The following RAP1GAP2 variants were observed in gnomAD, a reference collection of about 807,000 sequenced individuals.
RAP1GAP2 encodes the protein RAP1 GTPase activating protein 2, also known as rap1 GTPase-activating protein 2.
In RAP1GAP2, 27 loss-of-function variants were observed where a neutral mutation model predicts 95.0. The observed-to-expected ratio is 0.28, with a 90% CI of 0.21 to 0.39. The LOEUF is 0.39. RAP1GAP2 is among the 10% of genes least tolerant of loss of function. RAP1GAP2 has a pLI of 1.00. For synonymous variants in RAP1GAP2, 373 were observed against 380.9 expected (o/e 0.98, Z 0.24); for missense variants, 771 against 970.0 (o/e 0.79, Z 2.72).
At chr17:2,988,055 A>G (rs923071427) in intron 11 of RAP1GAP2, among the ~76,000 whole-genome samples, 5 of 152,008 alleles carry the variant, frequency 3.3e-5, no homozygotes, top group Non-Finnish European at 5.9e-5. Flanking sequence ...TTTGTTTTTT[A>G]CAAAATTAGC....
intron 1 of RAP1GAP2, among the ~76,000 whole-genome samples, chr17:2,780,176 G>A (rs745440456): frequency 6.6e-6 from 1 of 152,116 alleles, no homozygotes; most frequent in Non-Finnish European, 1.5e-5. Flanking sequence ...TCAGCCTCCC[G>A]AGTTGCTGGG....
chr17:2,786,083 G>T (rs902744578), intron 1 of RAP1GAP2, among the ~76,000 whole-genome samples: 4 of 151,840 alleles, frequency 2.6e-5, no homozygotes, highest in African/African-American at 9.7e-5. Flanking sequence ...GTATTTTTAG[G>T]AGAGACGGGG....
chr17:2,998,150 C>A, intron 13 of RAP1GAP2, 71 bp from the exon 14 acceptor site: 1 of 1,499,118 alleles, frequency 6.7e-7, no homozygotes, highest in Non-Finnish European at 9.2e-7. Context: ...GAAAGTGAAC[C>A]CACTCTTTCC....
chr17:2,967,381 A>G (rs1283363508), intron 8 of RAP1GAP2, among the ~76,000 whole-genome samples: 1 of 150,858 alleles, frequency 6.6e-6, no homozygotes, highest in Non-Finnish European at 1.5e-5. Context: ...AACAACAACA[A>G]CGATGACAAC....
At chr17:2,891,210 C>T (rs1302627981) in intron 2 of RAP1GAP2, among the ~76,000 whole-genome samples, 1 of 151,652 alleles carries the variant, frequency 6.6e-6, no homozygotes, top group African/African-American at 2.4e-5. Context: ...TGCAGTGCCA[C>T]ATTCATGGCT....
chr17:2,910,298 C>G (rs2042330490), intron 3 of RAP1GAP2, among the ~76,000 whole-genome samples: 1 of 152,186 alleles, frequency 6.6e-6, no homozygotes, highest in Non-Finnish European at 1.5e-5. Context: ...CTCCACTCCT[C>G]TGCTTCTGGC....
intron 1 of RAP1GAP2, chr17:2,755,867 G>T: frequency 3.1e-6 from 1 of 322,854 alleles, no homozygotes; most frequent in Non-Finnish European, 5.7e-6. Flanking sequence ...GTTTCGTCCC[G>T]GGCTGAGGCT....
chr17:2,889,386 T>G (rs558040232), intron 2 of RAP1GAP2, among the ~76,000 whole-genome samples: 1 of 152,176 alleles, frequency 6.6e-6, no homozygotes, highest in South Asian at 2.1e-4. Context: ...AGGCCAGTGG[T>G]CAGGGTGCGT....
At chr17:2,876,740 C>T (rs77456232) in intron 2 of RAP1GAP2, among the ~76,000 whole-genome samples, 314 of 152,098 alleles carry the variant, frequency 2.1e-3, no homozygotes, top group African/African-American at 6.7e-3. Context: ...ATTCCAAAGG[C>T]GAGGAGAGCA....
intron 10 of RAP1GAP2, among the ~76,000 whole-genome samples, chr17:2,982,878 C>T (rs1216496621): frequency 2.0e-5 from 3 of 152,158 alleles, no homozygotes; most frequent in African/African-American, 7.2e-5. Context: ...CCGCTGAGTC[C>T]GGCTGGGATG....
At chr17:2,808,706 G>C (rs2069625873) in intron 2 of RAP1GAP2, among the ~76,000 whole-genome samples, 1 of 152,210 alleles carries the variant, frequency 6.6e-6, no homozygotes, top group African/African-American at 2.4e-5. Context: ...GTGGGTCGAG[G>C]AGAATGTGCC....
chr17:2,764,489 G>A (rs534930202), intron 1 of RAP1GAP2, among the ~76,000 whole-genome samples: 124 of 152,162 alleles, frequency 8.1e-4, no homozygotes, highest in African/African-American at 2.8e-3. Context: ...TTGGGAAGCC[G>A]AGGCGGGTGG....
chr17:2,778,052 G>A (rs1483735229), intron 1 of RAP1GAP2, among the ~76,000 whole-genome samples: 1 of 151,654 alleles, frequency 6.6e-6, no homozygotes, highest in Non-Finnish European at 1.5e-5. Flanking sequence ...GAGTGACTCA[G>A]GGTCTGTGAG....
rs200075336 is a variant in RAP1GAP2 at position 3,030,997 on chromosome 17, C to T, written c.2183C>T (p.Ala728Val). 9.4e-6 allele frequency: 15 copies of T among 1,602,302 alleles called. No homozygotes were observed. The African/African-American group carries it at 1.5e-4, about 16-fold the overall frequency. The stretch of plus-strand genomic sequence containing the variant: ...AAGCTCAGCCATGCCAGCTCTGGTG[C>T]GGTAAGGATGCGCCTCCCACACCCC... ...FDKLSHASSG[A>V]GH is the part of the protein sequence containing the mutation. Residue 728 changes from alanine to valine, a missense_variant and splice_region_variant, in exon 23 of 25, where the codon GCG becomes GTG. Coordinates refer to ENST00000254695, the MANE Select transcript of RAP1GAP2 (RefSeq NM_015085.5).
Position 3,034,772 on chromosome 17 carries a change from G to A in RAP1GAP2, c.*1411G>A, listed in dbSNP as rs368167909. ...CTCCCCCTTCCGAGTCTGCAGCGCCGTGGGCTTCTCTGCCGATGGGCCCGG... is the reference window on the plus strand; with the variant it reads ...CTCCCCCTTCCGAGTCTGCAGCGCCATGGGCTTCTCTGCCGATGGGCCCGG... On this transcript the variant is annotated 3_prime_UTR_variant, in exon 25 of 25. Transcript: ENST00000254695. This position sits in a 1 kb window ranked among gnomAD's most constrained non-coding sequence, Gnocchi z 5.1. 13 of 152,744 alleles carry A rather than the reference G, an allele frequency of 8.5e-5. No homozygotes were observed. The highest frequency in any genetic ancestry group is 3.3e-4 in the Admixed American group (5 of 15,288). The allele number at this position is 152,744 out of a possible 1,614,324, so 9.5% of individuals were successfully genotyped here. A position where few individuals can be genotyped will look rare whatever the true frequency, so the allele number is the denominator to read the frequency against.
At chr17:3,031,747 C>T (rs1179523574) in intron 23 of RAP1GAP2, among the ~76,000 whole-genome samples, 1 of 148,162 alleles carries the variant, frequency 6.7e-6, no homozygotes, top group African/African-American at 2.5e-5. Flanking sequence ...TCCCGAATCC[C>T]TTCCTGAGCT....
Position 2,832,360 on chromosome 17 carries a change from C to T in RAP1GAP2, c.80+31810C>T, listed in dbSNP as rs1487496909. 2.6e-5 allele frequency among the ~76,000 whole-genome samples: 4 copies of T among 151,324 alleles called. No individual in the cohort carries two copies. In the South Asian group the frequency reaches 6.3e-4, roughly 24 times the overall value. On this transcript the variant is annotated intron_variant, in intron 2 of 24. Transcript: ENST00000254695. ...GATCACGAGGTCAGGAGATCGAGATCATCCTGGCTAAAACGGTGAAACCCC... is the reference window on the plus strand; with the variant it reads ...GATCACGAGGTCAGGAGATCGAGATTATCCTGGCTAAAACGGTGAAACCCC...
chr17:2,799,237 G>C (rs766466874), intron 1 of RAP1GAP2, among the ~76,000 whole-genome samples: 1 of 152,192 alleles, frequency 6.6e-6, no homozygotes, highest in Non-Finnish European at 1.5e-5. Context: ...AGAGCGGGTG[G>C]GGATTCCAGG....
intron 8 of RAP1GAP2, among the ~76,000 whole-genome samples, chr17:2,975,724 A>C (rs1567845431): frequency 6.6e-6 from 1 of 152,230 alleles, no homozygotes; most frequent in African/African-American, 2.4e-5. Context: ...TCACCTGAGC[A>C]GCTCCATGGG....
Sources: gnomAD v4.1 joint callset for allele counts (sites outside exome capture counted in the v4.1 genomes callset) on GRCh38, gnomAD v4.1.1 for gene constraint, Gnocchi (gnomAD v3.1) non-coding constraint, MANE v1.5 for transcripts, NCBI Gene and HGNC (gene_info 2026-07-23, HGNC 2026-07-21) for gene names.